CALN1: variants seen among roughly 807,000 people sequenced by gnomAD.
The protein encoded by CALN1 is calneuron 1, also known as calcium-binding protein 8.
Under a neutral mutation model 30.6 loss-of-function variants are expected in CALN1, and 17 were observed. The ratio of observed to expected loss-of-function variants is 0.56; its 90% CI spans 0.38 to 0.83. The LOEUF (loss-of-function observed/expected upper bound fraction) is 0.83. Among genes scored for constraint, CALN1 ranks in the 40% least tolerant of loss-of-function variants. The probability of loss-of-function intolerance (pLI) is 0.00; values close to 1 mark genes in which losing one functional copy is unlikely to be tolerated. For synonymous variants in CALN1, 156 were observed against 131.4 expected (o/e 1.19, Z -1.28); for missense variants, 291 against 354.9 (o/e 0.82, Z 1.45).
intron 6 of CALN1, among the ~76,000 whole-genome samples, chr7:71,792,633 G>A (rs1411268729): frequency 6.6e-6 from 1 of 152,018 alleles, no homozygotes; most frequent in Non-Finnish European, 1.5e-5. Flanking sequence ...AAAAGGAGGT[G>A]GCATTTAAGA....
intron 2 of CALN1, among the ~76,000 whole-genome samples, chr7:72,289,454 T>C (rs1390353365): frequency 6.6e-6 from 1 of 152,156 alleles, no homozygotes; most frequent in Admixed American, 6.5e-5. Context: ...AGACATGAGG[T>C]GAAGGCAGTG....
intron 2 of CALN1, among the ~76,000 whole-genome samples, chr7:72,313,490 C>G (rs1163045005): frequency 6.6e-6 from 1 of 152,122 alleles, no homozygotes; most frequent in African/African-American, 2.4e-5. Context: ...CTCCAGGGCT[C>G]AAGCGACAGC....
At chr7:72,338,525 G>GTCTTTC (rs1554378748) in intron 2 of CALN1, among the ~76,000 whole-genome samples, 2 of 122,292 alleles carry the variant, frequency 1.6e-5, no homozygotes, top group African/African-American at 6.3e-5. Context: ...GTGTGTGTGT[G>GTCTTTC]TGTCTCACCT....
At chr7:72,095,967 G>C (rs921906950) in intron 4 of CALN1, among the ~76,000 whole-genome samples, 1 of 152,026 alleles carries the variant, frequency 6.6e-6, no homozygotes, top group Non-Finnish European at 1.5e-5. Context: ...TTGAGCCCAG[G>C]GGGCAAGGCT....
At chr7:71,828,718 A>ATGTGTG (rs146892125) in intron 5 of CALN1, among the ~76,000 whole-genome samples, 8,626 of 144,274 alleles carry the variant, frequency 0.06, 861 homozygotes, top group African/African-American at 0.21. Flanking sequence ...ATATATGTAT[A>ATGTGTG]TGTGTGTGTG....
At chr7:71,801,298 A>G (rs1787283567) in intron 6 of CALN1, among the ~76,000 whole-genome samples, 1 of 151,980 alleles carries the variant, frequency 6.6e-6, no homozygotes, top group African/African-American at 2.4e-5. Flanking sequence ...CTGCAGCCTC[A>G]ACCTCCCAGG....
At chr7:72,321,081 C>T (rs1470730606) in intron 2 of CALN1, among the ~76,000 whole-genome samples, 1 of 152,154 alleles carries the variant, frequency 6.6e-6, no homozygotes, top group Non-Finnish European at 1.5e-5. Context: ...AAGTATGCTG[C>T]CTCAATCTTT....
At chr7:72,352,571 G>T (rs1028024798) in intron 2 of CALN1, among the ~76,000 whole-genome samples, 15 of 152,094 alleles carry the variant, frequency 9.9e-5, no homozygotes, top group Non-Finnish European at 1.8e-4. Flanking sequence ...AATCACAAAG[G>T]AAGTTTAAAA....
chr7:72,193,187 C>CA (rs1276120426), intron 3 of CALN1, among the ~76,000 whole-genome samples: 5 of 98,610 alleles, frequency 5.1e-5, no homozygotes, highest in East Asian at 2.0e-4. Flanking sequence ...GACTCCATCT[C>CA]AAAAAAAAAG....
chr7:72,432,354 C>T (rs1019419093), intron 1 of CALN1, among the ~76,000 whole-genome samples: 2 of 152,168 alleles, frequency 1.3e-5, no homozygotes, highest in Non-Finnish European at 1.5e-5. Flanking sequence ...TATAAATTAC[C>T]CAGCCTTGGA....
At chr7:72,217,680 C>T (rs1472675544) in intron 3 of CALN1, among the ~76,000 whole-genome samples, 2 of 151,856 alleles carry the variant, frequency 1.3e-5, no homozygotes, top group African/African-American at 4.8e-5. Context: ...AACTTGGTGA[C>T]CTTAAATATC....
At chr7:72,339,177 C>A (rs545015863) in intron 2 of CALN1, among the ~76,000 whole-genome samples, 1 of 152,288 alleles carries the variant, frequency 6.6e-6, no homozygotes, top group South Asian at 2.1e-4. Flanking sequence ...CTGAATAGTG[C>A]TCCATTGTGT....
chr7:72,219,173 A>T (rs915315531), intron 3 of CALN1, among the ~76,000 whole-genome samples: 1 of 152,192 alleles, frequency 6.6e-6, no homozygotes, highest in African/African-American at 2.4e-5. Flanking sequence ...TAGAAGAGGA[A>T]AAATTCTTCC....
rs1414318481 is a variant in CALN1 at position 72,403,236 on chromosome 7, G to C, written c.119+15C>G. ...AAACAATCTAGGTCCTTGGGTTTGG[G>C]GGAAGAAGACTTGCCAGGTGGGGAA... On this transcript the variant is annotated intron_variant, in intron 2 of 6. Transcript: ENST00000395275. The C allele has an allele frequency of 6.5e-7, 1 of 1,543,932 alleles. No individual in the cohort carries two copies. The highest frequency in any genetic ancestry group is 1.2e-5 in the South Asian group (1 of 83,864).
At chr7:72,468,726 C>T in the CALN1 span, among the ~76,000 whole-genome samples, 3 of 152,188 alleles carry the variant, frequency 2.0e-5, no homozygotes, top group Non-Finnish European at 4.4e-5. Context: ...CTTGCCAACA[C>T]TTAAATTTTT....
intron 1 of CALN1, among the ~76,000 whole-genome samples, chr7:72,444,097 T>C (rs1387140859): frequency 2.6e-5 from 4 of 151,886 alleles, no homozygotes; most frequent in African/African-American, 9.7e-5. Context: ...TACTCTTTTT[T>C]AATGGATTGA....
chr7:72,095,802 G>C (rs768851668), intron 4 of CALN1, among the ~76,000 whole-genome samples: 4 of 151,158 alleles, frequency 2.6e-5, no homozygotes, highest in Non-Finnish European at 5.9e-5. Context: ...GGAGGCCAAG[G>C]TGGGAGACTG....
chr7:72,101,715 CA>C (rs1806681090), intron 4 of CALN1, among the ~76,000 whole-genome samples: 1 of 152,172 alleles, frequency 6.6e-6, no homozygotes, highest in African/African-American at 2.4e-5. Context: ...AACTGGCCTG[CA>C]GGCCAAGCAA....
intron 5 of CALN1, among the ~76,000 whole-genome samples, chr7:71,826,321 G>A (rs556891850): frequency 6.6e-6 from 1 of 152,134 alleles, no homozygotes. Context: ...ACACCCAAAC[G>A]AAGATTGAGC....
Sources: gnomAD v4.1 joint callset for allele counts (sites outside exome capture counted in the v4.1 genomes callset) on GRCh38, gnomAD v4.1.1 for gene constraint, MANE v1.5 for transcripts, NCBI Gene and HGNC (gene_info 2026-07-23, HGNC 2026-07-21) for gene names.